MCPH1: variants seen among roughly 807,000 people sequenced by gnomAD.
MCPH1 encodes the protein microcephalin.
Under a neutral mutation model 84.5 loss-of-function variants are expected in MCPH1, and 104 were observed. The ratio of observed to expected loss-of-function variants is 1.23; its 90% confidence interval spans 1.05 to 1.45. The LOEUF (loss-of-function observed/expected upper bound fraction) is 1.45. Among genes scored for constraint, MCPH1 ranks in the 40% most tolerant of loss-of-function variants. The pLI is 0.00. For missense variants in MCPH1, 1,498 were observed against 1,005.7 expected, an observed-to-expected ratio of 1.49 and a Z score of -6.62; for synonymous variants, 514 against 366.8, an observed-to-expected ratio of 1.40 and a Z score of -4.58.
chr8:6,585,406 G>A (rs1827891676), intron 12 of MCPH1, among the ~76,000 whole-genome samples: 1 of 152,222 alleles, frequency 6.6e-6, no homozygotes, highest in Admixed American at 6.5e-5. Flanking sequence ...GCGTGGCCTG[G>A]TGCCCTCACA....
At chr8:6,487,486 G>C (rs529666305) in intron 11 of MCPH1, among the ~76,000 whole-genome samples, 64 of 152,336 alleles carry the variant, frequency 4.2e-4, no homozygotes, top group Non-Finnish European at 7.5e-4. Flanking sequence ...TTTCACTGGT[G>C]TTAGTTCATC....
chr8:6,517,167 G>A (rs1047564329), intron 12 of MCPH1, among the ~76,000 whole-genome samples: 1 of 152,176 alleles, frequency 6.6e-6, no homozygotes, highest in Non-Finnish European at 1.5e-5. Flanking sequence ...CAAAGCAGAA[G>A]TCCTCAGATA....
At chr8:6,543,913 C>A (rs926507382) in intron 12 of MCPH1, among the ~76,000 whole-genome samples, 30 of 152,102 alleles carry the variant, frequency 2.0e-4, no homozygotes, top group African/African-American at 6.5e-4. Context: ...TTATAACTCA[C>A]ATTAGAAACA....
intron 12 of MCPH1, among the ~76,000 whole-genome samples, chr8:6,605,315 G>A (rs1213633759): frequency 1.3e-5 from 2 of 152,128 alleles, no homozygotes; most frequent in East Asian, 1.9e-4. Flanking sequence ...CTGTTCGCTT[G>A]GGACTCACAC....
At chr8:6,462,058 G>C (rs1037060094) in intron 9 of MCPH1, among the ~76,000 whole-genome samples, 1 of 152,198 alleles carries the variant, frequency 6.6e-6, no homozygotes, top group Non-Finnish European at 1.5e-5. Flanking sequence ...TGCATGTGAA[G>C]GCAAGCTGTG....
chr8:6,641,345 G>A (rs940768754), intron 13 of MCPH1, among the ~76,000 whole-genome samples: 1 of 152,140 alleles, frequency 6.6e-6, no homozygotes, highest in African/African-American at 2.4e-5. Flanking sequence ...ATCGGAAAAG[G>A]CTTCCACCTA....
chr8:6,417,847 A>T (rs1414677484), intron 3 of MCPH1, among the ~76,000 whole-genome samples: 1 of 152,134 alleles, frequency 6.6e-6, no homozygotes, highest in Non-Finnish European at 1.5e-5. Context: ...CTGGCTCTTC[A>T]TATGGCAAAT....
rs150282823 is a variant in MCPH1 at position 6,561,045 on chromosome 8, C to G, written c.2215-60409C>G. Among the ~76,000 whole-genome samples the G allele has an allele frequency of 7.2e-5, 11 of 152,290 alleles. No individual in the cohort carries two copies. In the South Asian group the frequency reaches 2.3e-3, roughly 32 times the overall value. On this transcript the variant is annotated intron_variant, in intron 12 of 13. Transcript: ENST00000344683. ...GGAAAGCCATTAACCATCAGCTTGA[C>G]GGTTTACAAAGAAATAGGAAGTTCA...
intron 3 of MCPH1, among the ~76,000 whole-genome samples, chr8:6,427,918 G>T (rs905697712): frequency 6.6e-6 from 1 of 151,428 alleles, no homozygotes; most frequent in Admixed American, 6.6e-5. Flanking sequence ...TCAGCCTCCT[G>T]AGTAGCTGGA....
intron 1 of MCPH1, chr8:6,406,971 T>G: frequency 2.4e-6 from 1 of 422,780 alleles, no homozygotes. Context: ...GCCTGCTTCC[T>G]CCCCCGTACT....
chr8:6,462,389 TG>T (rs1469104221), intron 9 of MCPH1, among the ~76,000 whole-genome samples: 1 of 152,248 alleles, frequency 6.6e-6, no homozygotes, highest in Non-Finnish European at 1.5e-5. Context: ...AAATATTTTC[TG>T]AGTAAATAAG....
At chr8:6,441,999 C>A in intron 6 of MCPH1, 68 bp from the exon 7 acceptor site, 1 of 1,075,524 alleles carries the variant, frequency 9.3e-7, no homozygotes, top group South Asian at 1.3e-5. Flanking sequence ...AGGAGGACTT[C>A]CTGCTGGCTT....
rs377491615 is a variant in MCPH1, at chr8:6,539,143, G to A, written c.2214+39214G>A. Reference sequence around the variant, plus strand: ...TAAAGAGGGAAGGGCTGGGAGATGCGGATTTTGGGCAGCACTTTGTCCTCC... The same window carrying A: ...TAAAGAGGGAAGGGCTGGGAGATGCAGATTTTGGGCAGCACTTTGTCCTCC... On this transcript the variant is annotated intron_variant, in intron 12 of 13. Coordinates refer to ENST00000344683, the MANE Select transcript of MCPH1 (RefSeq NM_024596.5). 7.2e-5 allele frequency among the ~76,000 whole-genome samples: 11 copies of A among 152,334 alleles called. 1 individual carries two copies. The South Asian group carries it at 1.0e-3, about 14-fold the overall frequency.
intron 13 of MCPH1, chr8:6,625,624 G>C (rs749868810): frequency 4.1e-6 from 4 of 985,290 alleles, no homozygotes; most frequent in Non-Finnish European, 4.8e-6. Flanking sequence ...GTAAGGTAGG[G>C]TCCCTGAGCG....
intron 12 of MCPH1, among the ~76,000 whole-genome samples, chr8:6,527,279 AG>A (rs1407164094): frequency 9.9e-5 from 15 of 152,060 alleles, no homozygotes; most frequent in Non-Finnish European, 1.8e-4. Flanking sequence ...ATAATAGATT[AG>A]CATGCAGAAT....
At chr8:6,582,542 AT>A (rs1306579727) in intron 12 of MCPH1, among the ~76,000 whole-genome samples, 8 of 152,164 alleles carry the variant, frequency 5.3e-5, no homozygotes, top group African/African-American at 1.7e-4. Context: ...CCTTTATTTT[AT>A]TTTTTAATGC....
intron 12 of MCPH1, 92 bp downstream of exon 12, chr8:6,500,021 G>A: frequency 2.8e-6 from 3 of 1,073,882 alleles, no homozygotes; most frequent in Middle Eastern, 2.6e-4. Flanking sequence ...TTTTTATCCA[G>A]TCAAGCACAA....
chr8:6,429,649 G>A (rs7826514), intron 3 of MCPH1, among the ~76,000 whole-genome samples: 10,196 of 152,034 alleles, frequency 0.067, 851 homozygotes, highest in African/African-American at 0.2. Flanking sequence ...TGGGGGTCAA[G>A]AGAAAAGCAT....
intron 11 of MCPH1, among the ~76,000 whole-genome samples, chr8:6,482,430 C>G (rs1809361068): frequency 1.3e-5 from 2 of 152,196 alleles, no homozygotes; most frequent in South Asian, 2.1e-4. Context: ...ATAGGGTGGA[C>G]TACTGTCTCT....
Sources: gnomAD v4.1 joint callset for allele counts (sites outside exome capture counted in the v4.1 genomes callset) on GRCh38, gnomAD v4.1.1 for gene constraint, MANE v1.5 for transcripts, NCBI Gene and HGNC (gene_info 2026-07-23, HGNC 2026-07-21) for gene names.